PTPRD: variants seen among roughly 807,000 people sequenced by gnomAD.
PTPRD encodes receptor-type tyrosine-protein phosphatase delta.
A neutral mutation model predicts 214.5 loss-of-function variants in PTPRD; 34 were observed. The observed-to-expected ratio is 0.16, with a 90% CI of 0.12 to 0.21. The LOEUF is 0.21. PTPRD is among the 10% of genes least tolerant of loss of function. The pLI is 1.00. For missense variants in PTPRD, 2,545 were observed against 2,398.7 expected (o/e 1.06, Z -1.27); for synonymous variants, 1,128 against 845.7 (o/e 1.33, Z -5.79).
At chr9:9,841,075 A>G (rs921532124) in intron 5 of PTPRD, among the ~76,000 whole-genome samples, 1 of 152,160 alleles carries the variant, frequency 6.6e-6, no homozygotes, top group African/African-American at 2.4e-5. Context: ...TTTGTACAAC[A>G]AAGTGTTTTT....
chr9:8,909,178 C>A (rs1014832685), intron 11 of PTPRD, among the ~76,000 whole-genome samples: 3 of 151,950 alleles, frequency 2.0e-5, no homozygotes, highest in Middle Eastern at 3.4e-3. Flanking sequence ...ACATTGTTTC[C>A]CTAGTGAATT....
intron 12 of PTPRD, among the ~76,000 whole-genome samples, chr9:8,711,583 C>G (rs1331830059): frequency 6.6e-6 from 1 of 152,142 alleles, no homozygotes; most frequent in East Asian, 1.9e-4. Flanking sequence ...GATCACGTCT[C>G]CAAGCAATAA....
chr9:10,091,303 G>A (rs1227180943), intron 3 of PTPRD, among the ~76,000 whole-genome samples: 2 of 151,352 alleles, frequency 1.3e-5, no homozygotes, highest in East Asian at 2.0e-4. Flanking sequence ...AGTAAAAGGA[G>A]AATTATTTGA....
At chr9:8,488,576 G>T (rs115523919) in intron 27 of PTPRD, among the ~76,000 whole-genome samples, 2 of 152,154 alleles carry the variant, frequency 1.3e-5, no homozygotes. Context: ...AGATCTTAAC[G>T]ACCAACACAC....
At chr9:9,343,973 C>T (rs1490914954) in intron 9 of PTPRD, among the ~76,000 whole-genome samples, 1 of 152,218 alleles carries the variant, frequency 6.6e-6, no homozygotes, top group African/African-American at 2.4e-5. Context: ...ACTTATTTTT[C>T]TTCCTAACTG....
intron 3 of PTPRD, among the ~76,000 whole-genome samples, chr9:10,074,163 T>A (rs1355548841): frequency 6.6e-6 from 1 of 152,150 alleles, no homozygotes; most frequent in Non-Finnish European, 1.5e-5. Context: ...GTTTACTGGA[T>A]AGAATCATGG....
intron 8 of PTPRD, among the ~76,000 whole-genome samples, chr9:9,567,743 T>C (rs1009404358): frequency 6.6e-6 from 1 of 151,954 alleles, no homozygotes; most frequent in African/African-American, 2.4e-5. Flanking sequence ...TATGCAGCCT[T>C]GAGCTTCCAT....
Position 9,672,927 on chromosome 9 carries a change from G to C in PTPRD, c.-287+61606C>G, listed in dbSNP as rs550590663. 3.3e-5 allele frequency among the ~76,000 whole-genome samples: 5 copies of C among 152,068 alleles called. No homozygotes were observed. In the South Asian group the frequency reaches 1.0e-3, roughly 32 times the overall value. On this transcript the variant is annotated intron_variant, in intron 7 of 45. Coordinates refer to ENST00000381196, the MANE Select transcript of PTPRD (RefSeq NM_002839.4). Reference sequence around the variant, plus strand: ...CATTTGTATTCATTTCCTGACATTGGTATTTGACTCTAGCGTAAATCTGTT... The same window carrying C: ...CATTTGTATTCATTTCCTGACATTGCTATTTGACTCTAGCGTAAATCTGTT...
At chr9:9,992,392 C>T (rs528328841) in intron 4 of PTPRD, among the ~76,000 whole-genome samples, 13 of 152,250 alleles carry the variant, frequency 8.5e-5, no homozygotes, top group African/African-American at 2.4e-4. Context: ...GCCAGTGTGG[C>T]GATTCCTCAA....
In PTPRD at chr9:10,231,672, T is replaced by C. The variant is rs117281658; in HGVS notation, c.-545+109291A>G. 8.7e-3 allele frequency among the ~76,000 whole-genome samples: 1,322 copies of C among 152,096 alleles called. 15 individuals carry two copies. Among genetic ancestry groups the C allele is most frequent in the Non-Finnish European group, 0.014 (981 of 67,954 alleles). On this transcript the variant is annotated intron_variant, in intron 3 of 45. Transcript: ENST00000381196. ...ATAGTAAGTGCTTAATAAATGCTTG[T>C]TGAATGAGTGATTTTTGGCTAGCCA...
intron 9 of PTPRD, among the ~76,000 whole-genome samples, chr9:9,334,636 A>G (rs533112401): frequency 1.3e-5 from 2 of 152,106 alleles, no homozygotes; most frequent in African/African-American, 4.8e-5. Context: ...CCATCTATAA[A>G]ATGGATCTAA....
intron 5 of PTPRD, among the ~76,000 whole-genome samples, chr9:9,857,548 G>T (rs1482631643): frequency 6.6e-6 from 1 of 152,082 alleles, no homozygotes; most frequent in African/African-American, 2.4e-5. Flanking sequence ...CTCACAGGAT[G>T]CTGGCTCTGC....
chr9:10,291,543 T>C (rs1468354646), intron 3 of PTPRD, among the ~76,000 whole-genome samples: 2 of 151,954 alleles, frequency 1.3e-5, no homozygotes, highest in African/African-American at 2.4e-5. Context: ...GAATTTAATG[T>C]GATAGAAGCA....
chr9:10,587,215 T>G (rs2074155846), intron 2 of PTPRD, among the ~76,000 whole-genome samples: 1 of 152,088 alleles, frequency 6.6e-6, no homozygotes, highest in Admixed American at 6.6e-5. Context: ...GTAAGGAAGC[T>G]GCAAAGAACA....
chr9:9,481,395 G>A (rs951724329), intron 8 of PTPRD, among the ~76,000 whole-genome samples: 2 of 151,898 alleles, frequency 1.3e-5, no homozygotes, highest in African/African-American at 4.8e-5. Flanking sequence ...AACATTACAG[G>A]GAAATTTTGA....
intron 4 of PTPRD, among the ~76,000 whole-genome samples, chr9:10,018,844 C>T (rs567477061): frequency 2.2e-4 from 33 of 152,134 alleles, no homozygotes; most frequent in East Asian, 1.2e-3. Flanking sequence ...CCACCGCGCC[C>T]GGCCAGAATT....
At chr9:8,665,763 A>G (rs529154401) in intron 12 of PTPRD, among the ~76,000 whole-genome samples, 27 of 152,336 alleles carry the variant, frequency 1.8e-4, no homozygotes, top group Non-Finnish European at 3.4e-4. Context: ...GTCCCTTTGC[A>G]AGAAGGAAGA....
At chr9:8,483,091 T>C (rs2096921541) in intron 30 of PTPRD, among the ~76,000 whole-genome samples, 1 of 152,242 alleles carries the variant, frequency 6.6e-6, no homozygotes, top group South Asian at 2.1e-4. Context: ...AGTTCATATA[T>C]TTTGGTGAAA....
intron 6 of PTPRD, among the ~76,000 whole-genome samples, chr9:9,735,466 G>T (rs2098276226): frequency 6.6e-6 from 1 of 152,112 alleles, no homozygotes; most frequent in Non-Finnish European, 1.5e-5. Context: ...TGTGAAAGGA[G>T]TTGACACTAT....
Sources: gnomAD v4.1 joint callset for allele counts (sites outside exome capture counted in the v4.1 genomes callset) on GRCh38, gnomAD v4.1.1 for gene constraint, MANE v1.5 for transcripts, NCBI Gene and HGNC (gene_info 2026-07-23, HGNC 2026-07-21) for gene names.